CSMD1: variants seen among roughly 807,000 people sequenced by gnomAD.
CSMD1 encodes the protein CUB and sushi domain-containing protein 1.
A neutral mutation model predicts 417.5 loss-of-function variants in CSMD1; 213 were observed. That is an observed-to-expected ratio of 0.51 (90% CI 0.46 to 0.57). The LOEUF is 0.57. Among genes scored for constraint, CSMD1 ranks in the 20% least tolerant of loss-of-function variants. The pLI, the probability that CSMD1 is intolerant of heterozygous loss-of-function variation, is 0.00. For synonymous variants in CSMD1, 2,862 were observed against 1,736.8 expected (o/e 1.65, Z -16.11); for missense variants, 6,923 against 4,529.7 (o/e 1.53, Z -15.17).
intron 3 of CSMD1, among the ~76,000 whole-genome samples, chr8:4,212,195 T>TATATATATATATA (rs397975346): frequency 6.7e-6 from 1 of 148,804 alleles, no homozygotes; most frequent in African/African-American, 2.5e-5. Flanking sequence ...TATATATATA[T>TATATATATATATA]TATTTTCTCT....
intron 46 of CSMD1, among the ~76,000 whole-genome samples, chr8:3,104,837 A>G (rs762309896): frequency 3.3e-5 from 5 of 151,768 alleles, no homozygotes; most frequent in Non-Finnish European, 7.4e-5. Flanking sequence ...CCACCTGAGT[A>G]GCTGGCATTA....
intron 8 of CSMD1, among the ~76,000 whole-genome samples, chr8:3,615,317 G>T (rs920553376): frequency 5.3e-5 from 8 of 152,164 alleles, no homozygotes; most frequent in African/African-American, 9.7e-5. Context: ...ACAGACTGAA[G>T]TGAGTCTCCA....
intron 2 of CSMD1, among the ~76,000 whole-genome samples, chr8:4,553,170 T>C (rs1797944594): frequency 6.6e-6 from 1 of 152,232 alleles, no homozygotes; most frequent in Admixed American, 6.5e-5. Flanking sequence ...ACGTTTTCAG[T>C]TGTCGCCTCC....
intron 3 of CSMD1, among the ~76,000 whole-genome samples, chr8:4,308,845 A>G (rs1798400771): frequency 3.3e-5 from 5 of 152,206 alleles, no homozygotes; most frequent in African/African-American, 9.6e-5. Context: ...ATGACACCCC[A>G]TATCAAAGGC....
intron 3 of CSMD1, among the ~76,000 whole-genome samples, chr8:4,319,666 G>C (rs1297670345): frequency 6.6e-6 from 1 of 152,076 alleles, no homozygotes; most frequent in African/African-American, 2.4e-5. Flanking sequence ...AGAGAGGCCA[G>C]GGAACAGAGA....
At chr8:4,519,802 G>C (rs1315594251) in intron 2 of CSMD1, among the ~76,000 whole-genome samples, 10 of 141,452 alleles carry the variant, frequency 7.1e-5, no homozygotes, top group Admixed American at 1.4e-4. Flanking sequence ...TTTGGAGCCA[G>C]GGATAGCTCT....
chr8:3,658,389 A>T (rs1798235690), intron 7 of CSMD1, among the ~76,000 whole-genome samples: 1 of 150,918 alleles, frequency 6.6e-6, no homozygotes, highest in Admixed American at 6.6e-5. Flanking sequence ...TTTGTAAATC[A>T]TCCCAATCTT....
chr8:3,349,367 T>G (rs1031145776), intron 21 of CSMD1, among the ~76,000 whole-genome samples: 3 of 152,158 alleles, frequency 2.0e-5, no homozygotes, highest in Non-Finnish European at 2.9e-5. Context: ...AGGAAGTTGC[T>G]AGAGATCCAT....
intron 29 of CSMD1, among the ~76,000 whole-genome samples, chr8:3,215,612 T>G (rs1290869022): frequency 6.6e-6 from 1 of 152,224 alleles, no homozygotes; most frequent in Non-Finnish European, 1.5e-5. Context: ...TCTTCCCAAG[T>G]AAAAATACAA....
intron 1 of CSMD1, among the ~76,000 whole-genome samples, chr8:4,745,799 G>A (rs1289118556): frequency 1.3e-5 from 2 of 152,088 alleles, no homozygotes; most frequent in Non-Finnish European, 2.9e-5. Flanking sequence ...CACAAGTACA[G>A]TGAGATGCTA....
At chr8:4,108,041 AAG>A (rs1342070929) in intron 3 of CSMD1, among the ~76,000 whole-genome samples, 77 of 141,448 alleles carry the variant, frequency 5.4e-4, no homozygotes, top group African/African-American at 2.1e-3. Context: ...GAGAGAGAGA[AAG>A]AGAGACAGAG....
intron 1 of CSMD1, among the ~76,000 whole-genome samples, chr8:4,921,053 G>C (rs74463910): frequency 0.052 from 6,204 of 118,908 alleles, 388 homozygotes; most frequent in Admixed American, 0.084. Flanking sequence ...AGAAAGAAAA[G>C]AGAAAGAAAA....
At chr8:4,933,373 C>T (rs1046303274) in intron 1 of CSMD1, among the ~76,000 whole-genome samples, 1 of 152,146 alleles carries the variant, frequency 6.6e-6, no homozygotes, top group Non-Finnish European at 1.5e-5. Flanking sequence ...ACTGTAAGTG[C>T]TGCTTCCTCC....
At chr8:4,385,714 A>C (rs1176148314) in intron 3 of CSMD1, among the ~76,000 whole-genome samples, 1 of 152,208 alleles carries the variant, frequency 6.6e-6, no homozygotes, top group Non-Finnish European at 1.5e-5. Flanking sequence ...TTATAGAGAA[A>C]ATTCAACCCA....
At chr8:3,557,269 G>A (rs1358191132) in intron 10 of CSMD1, among the ~76,000 whole-genome samples, 2 of 152,284 alleles carry the variant, frequency 1.3e-5, no homozygotes, top group Admixed American at 6.5e-5. Flanking sequence ...TGTGGGATTC[G>A]TGGCTTGGAG....
chr8:4,802,603 C>G (rs1798362981), intron 1 of CSMD1, among the ~76,000 whole-genome samples: 1 of 152,108 alleles, frequency 6.6e-6, no homozygotes, highest in Admixed American at 6.5e-5. Context: ...ACACTTAATT[C>G]ACAATGACTC....
chr8:4,748,910 T>C (rs989719675), intron 1 of CSMD1, among the ~76,000 whole-genome samples: 12 of 152,260 alleles, frequency 7.9e-5, no homozygotes, highest in African/African-American at 2.7e-4. Flanking sequence ...CTGAAGGTTC[T>C]CTGCTGCAGA....
At chr8:4,099,375 G>A (rs557252595) in intron 3 of CSMD1, among the ~76,000 whole-genome samples, 29 of 151,912 alleles carry the variant, frequency 1.9e-4, no homozygotes, top group African/African-American at 6.0e-4. Context: ...TGGTAATCAC[G>A]CCTCACCTCC....
intron 3 of CSMD1, among the ~76,000 whole-genome samples, chr8:4,371,363 G>C (rs537028643): frequency 2.0e-5 from 3 of 152,180 alleles, no homozygotes; most frequent in South Asian, 2.1e-4. Flanking sequence ...GGTTTTGAGA[G>C]AAACTTCCTG....
Sources: allele counts gnomAD v4.1 joint callset (sites outside exome capture counted in the v4.1 genomes callset), GRCh38; gene constraint gnomAD v4.1.1; transcripts MANE v1.5; gene names NCBI Gene and HGNC (gene_info 2026-07-23, HGNC 2026-07-21).